Variants in KLHL5 observed in about 807,000 individuals in gnomAD.
KLHL5 encodes the protein kelch like family member 5.
A neutral mutation model predicts 77.7 loss-of-function variants in KLHL5; 48 were observed. The ratio of observed to expected loss-of-function variants is 0.62; its 90% CI spans 0.49 to 0.79. The LOEUF is 0.79. Among genes scored for constraint, KLHL5 ranks in the 30% least tolerant of loss-of-function variants. The pLI is 0.00. For missense variants in KLHL5, 723 were observed against 859.7 expected, an observed-to-expected ratio of 0.84 and a Z score of 1.99; for synonymous variants, 260 against 297.0, an observed-to-expected ratio of 0.88 and a Z score of 1.28.
rs1723482266 is a variant in KLHL5 at position 39,125,419 on chromosome 4, A to G, written c.*4353A>G. On this transcript the variant is annotated 3_prime_UTR_variant, in exon 11 of 11. Transcript: ENST00000504108. The stretch of plus-strand genomic sequence containing the variant: ...TATTCATTGCAGCACTAGTCACAGT[A>G]GCCAAAAAAGAGGAAACAACCCAAA... 6.6e-6 allele frequency among the ~76,000 whole-genome samples: 1 copy of G among 152,218 alleles called. No individual in the cohort carries two copies. Among genetic ancestry groups the G allele is most frequent in the Admixed American group, 6.5e-5 (1 of 15,284 alleles).
intron 1 of KLHL5, 104 bp from the exon 2 acceptor site, chr4:39,075,861 T>C: frequency 1.1e-6 from 1 of 883,522 alleles, no homozygotes; most frequent in Non-Finnish European, 1.8e-6. Context: ...ATAGGTAGCA[T>C]TGATTTCTTC....
At chr4:39,055,485 G>A (rs1230417892) in intron 1 of KLHL5, among the ~76,000 whole-genome samples, 2 of 152,122 alleles carry the variant, frequency 1.3e-5, no homozygotes, top group Non-Finnish European at 2.9e-5. Context: ...GCAAGACAAA[G>A]GACCCAAACT....
chr4:39,120,250 T>C (rs949691141), intron 10 of KLHL5: 1 of 152,238 alleles, frequency 6.6e-6, no homozygotes, highest in Non-Finnish European at 1.5e-5. Flanking sequence ...GTCCACACTT[T>C]TATTTCCACT....
chr4:39,095,750 A>C lies in KLHL5; in HGVS notation c.1114-942A>C, dbSNP rs191215870. Among the ~76,000 whole-genome samples, 510 of 152,048 alleles carry C rather than the reference A, an allele frequency of 3.4e-3. 11 individuals are homozygous for C. The highest frequency in any genetic ancestry group is 6.5e-4 in the Non-Finnish European group (44 of 67,920). ...TTATTAAAAAGAATAAATCAGAACT[A>C]TACCTTTTCAGAAGACCTGGAGGAA... On this transcript the variant is annotated intron_variant, in intron 5 of 10. Coordinates refer to ENST00000504108, the MANE Select transcript of KLHL5 (RefSeq NM_015990.5).
At chr4:39,073,074 G>A (rs1718640898) in intron 1 of KLHL5, among the ~76,000 whole-genome samples, 1 of 152,060 alleles carries the variant, frequency 6.6e-6, no homozygotes, top group Non-Finnish European at 1.5e-5. Flanking sequence ...ATATATAATT[G>A]TTATTTGTCA....
chr4:39,129,863 A>G (rs1051928755), downstream of KLHL5, among the ~76,000 whole-genome samples: 1 of 152,208 alleles, frequency 6.6e-6, no homozygotes, highest in African/African-American at 2.4e-5. The surrounding 1 kb of genome is among the most constrained non-coding windows in gnomAD (Gnocchi z 4.2). Context: ...TTCCAGCTCC[A>G]GTATTCACTA....
chr4:39,051,579 C>G (rs1165666816), intron 1 of KLHL5, among the ~76,000 whole-genome samples: 1 of 152,208 alleles, frequency 6.6e-6, no homozygotes, highest in Non-Finnish European at 1.5e-5. Context: ...AGCAGGGCAG[C>G]ATCAAATGTT....
Position 39,113,067 on chromosome 4 carries a change from T to G in KLHL5, c.1736T>G (p.Val579Gly). 1 of 1,613,978 alleles carries G rather than the reference T, an allele frequency of 6.2e-7. No individual in the cohort carries two copies. Among genetic ancestry groups the G allele is most frequent in the South Asian group, 1.1e-5 (1 of 91,076 alleles). Residue 579 changes from valine (V) to glycine (G), a missense_variant, in exon 9 of 11, where the codon GTA becomes GGA. Transcript: ENST00000504108. ...GRDGSSCLKS[V>G]ECFDPHTNKW... Reference sequence around the variant, plus strand: ...GATGGAAGTTCTTGTCTCAAATCAGTAGAATGTTTTGATCCTCATACTAAT... The same window carrying G: ...GATGGAAGTTCTTGTCTCAAATCAGGAGAATGTTTTGATCCTCATACTAAT...
chr4:39,136,006 G>A, the KLHL5 span, among the ~76,000 whole-genome samples: 39 of 72,902 alleles, frequency 5.3e-4, no homozygotes, highest in Non-Finnish European at 8.0e-4. Context: ...ATTCTAACAC[G>A]TGTGTGTGTG....
chr4:39,074,439 C>A (rs1346282371), intron 1 of KLHL5, among the ~76,000 whole-genome samples: 2 of 152,180 alleles, frequency 1.3e-5, no homozygotes, highest in African/African-American at 4.8e-5. Context: ...TCCCTTCAAC[C>A]CGTGTATAGA....
At chr4:39,113,307 A>T in intron 9 of KLHL5, 75 bp downstream of exon 9, 1 of 1,253,612 alleles carries the variant, frequency 8.0e-7, no homozygotes, top group Non-Finnish European at 1.1e-6. Flanking sequence ...TATTTGGAGA[A>T]CGTGTTGGAG....
chr4:39,068,306 G>A (rs1718089596), intron 1 of KLHL5, among the ~76,000 whole-genome samples: 7 of 152,026 alleles, frequency 4.6e-5, no homozygotes, highest in Admixed American at 4.6e-4. Context: ...GATAGCAGAA[G>A]AAGTTTATAA....
At chr4:39,092,300 G>A (rs1009564914) in intron 5 of KLHL5, among the ~76,000 whole-genome samples, 1 of 151,990 alleles carries the variant, frequency 6.6e-6, no homozygotes, top group Non-Finnish European at 1.5e-5. Flanking sequence ...TGATTAATCT[G>A]ATACTTAGAT....
chr4:39,053,250 A>G (rs186774180), intron 1 of KLHL5, among the ~76,000 whole-genome samples: 12 of 152,270 alleles, frequency 7.9e-5, no homozygotes, highest in Admixed American at 3.3e-4. Context: ...CAAAATCTGG[A>G]TTGGTCCTAC....
intron 5 of KLHL5, among the ~76,000 whole-genome samples, chr4:39,096,133 A>C (rs1305059581): frequency 2.0e-5 from 3 of 152,028 alleles, no homozygotes; most frequent in Non-Finnish European, 4.4e-5. Flanking sequence ...AACATATAAA[A>C]ATTGTATTTG....
intron 6 of KLHL5, among the ~76,000 whole-genome samples, chr4:39,101,128 A>T (rs528819691): frequency 1.4e-5 from 2 of 146,290 alleles, no homozygotes; most frequent in South Asian, 4.2e-4. Flanking sequence ...TTTGGATTTT[A>T]TATATATATA....
intron 2 of KLHL5, among the ~76,000 whole-genome samples, chr4:39,076,355 A>T (rs1353612198): frequency 6.6e-6 from 1 of 152,214 alleles, no homozygotes; most frequent in Non-Finnish European, 1.5e-5. Context: ...GCACAATAAC[A>T]AAACATACTA....
rs1723425100 is a variant in KLHL5 at position 39,124,801 on chromosome 4, G to GCAAAAAAAAAAAAAAAAAAAAAAA, written c.*3736_*3759dup. 5.8e-5 allele frequency among the ~76,000 whole-genome samples: 1 copy of GCAAAAAAAAAAAAAAAAAAAAAAA among 17,194 alleles called. No individual in the cohort carries two copies. Among genetic ancestry groups the GCAAAAAAAAAAAAAAAAAAAAAAA allele is most frequent in the Non-Finnish European group, 1.5e-4 (1 of 6,602 alleles). The allele number at this position is 17,194 out of a possible 152,430, so 11.3% of individuals were successfully genotyped here. ...GGCACCAAAAGCACAAGCAACAACA[G>GCAAAAAAAAAAAAAAAAAAAAAAA]CAAAAAAAAAAAAAAAAAAAAAAAA... On this transcript the variant is annotated 3_prime_UTR_variant, in exon 11 of 11. Coordinates refer to ENST00000504108, the MANE Select transcript of KLHL5 (RefSeq NM_015990.5).
At chr4:39,064,001 T>G (rs1335435301) in intron 1 of KLHL5, among the ~76,000 whole-genome samples, 1 of 152,168 alleles carries the variant, frequency 6.6e-6, no homozygotes, top group Non-Finnish European at 1.5e-5. Flanking sequence ...AATTTGATTA[T>G]TATATTTTTC....
Sources: gnomAD v4.1 joint callset for allele counts (sites outside exome capture counted in the v4.1 genomes callset) on GRCh38, gnomAD v4.1.1 for gene constraint, Gnocchi (gnomAD v3.1) non-coding constraint, MANE v1.5 for transcripts, NCBI Gene and HGNC (gene_info 2026-07-23, HGNC 2026-07-21) for gene names.